The following FGF14 variants were observed in gnomAD, a reference collection of about 807,000 sequenced individuals.
The protein encoded by FGF14 is fibroblast growth factor homologous factor 4.
A neutral mutation model predicts 25.5 loss-of-function variants in FGF14; 5 were observed. The ratio of observed to expected loss-of-function variants is 0.20; its 90% confidence interval spans 0.10 to 0.41. FGF14 has a LOEUF of 0.41. Ranked by LOEUF, FGF14 falls within the 10% of genes least tolerant of loss-of-function variation. The pLI, the probability that FGF14 is intolerant of heterozygous loss-of-function variation, is 1.00. For missense variants in FGF14, 222 were observed against 320.1 expected (o/e 0.69, Z 2.34); for synonymous variants, 138 against 118.3 (o/e 1.17, Z -1.08).
At chr13:101,944,540 T>G (rs1380660527) in intron 1 of FGF14, among the ~76,000 whole-genome samples, 1 of 152,192 alleles carries the variant, frequency 6.6e-6, no homozygotes, top group African/African-American at 2.4e-5. Context: ...CAAATACGTA[T>G]TAAAGATTAA....
chr13:101,949,917 C>T (rs2036046247), intron 1 of FGF14, among the ~76,000 whole-genome samples: 1 of 152,112 alleles, frequency 6.6e-6, no homozygotes, highest in South Asian at 2.1e-4. Flanking sequence ...GCTATTGGAC[C>T]CAGTTGCTTT....
chr13:101,721,689 T>TGCTGCAG lies in FGF14; in HGVS notation c.*1135_*1141dup, dbSNP rs1442272093. ...AATTTATAACTAACGTTTGCATTGCTGCTGCAGGAAAGAACACAACAGCCG... is the reference window on the plus strand; with the variant it reads ...AATTTATAACTAACGTTTGCATTGCTGCTGCAGGCTGCAGGAAAGAACACAACAGCCG... On this transcript the variant is annotated 3_prime_UTR_variant, in exon 5 of 5. Coordinates refer to ENST00000376143, the MANE Select transcript of FGF14 (RefSeq NM_004115.4). The TGCTGCAG allele has an allele frequency of 1.3e-5, 2 of 152,256 alleles. No homozygotes were observed. Among genetic ancestry groups the TGCTGCAG allele is most frequent in the Admixed American group, 6.5e-5 (1 of 15,286 alleles). The allele number at this position is 152,256 out of a possible 1,614,324, so 9.4% of individuals were successfully genotyped here.
At chr13:101,867,160 G>A (rs987220143) in intron 3 of FGF14, among the ~76,000 whole-genome samples, 2 of 152,094 alleles carry the variant, frequency 1.3e-5, no homozygotes, top group African/African-American at 2.4e-5. Flanking sequence ...AAATGCAGGG[G>A]ACTGGACTTG....
chr13:101,780,978 C>T (rs929152448), intron 3 of FGF14, among the ~76,000 whole-genome samples: 5 of 152,076 alleles, frequency 3.3e-5, no homozygotes, highest in Admixed American at 6.6e-5. Flanking sequence ...CTATTTCGTG[C>T]GCGTGCCTCA....
intron 1 of FGF14, among the ~76,000 whole-genome samples, chr13:101,968,672 C>A (rs1270448356): frequency 1.3e-5 from 1 of 74,380 alleles, no homozygotes; most frequent in Non-Finnish European, 2.5e-5. Flanking sequence ...GACTCCGTCT[C>A]CAAAAAAAAA....
intron 1 of FGF14, among the ~76,000 whole-genome samples, chr13:101,944,020 A>C (rs1343581029): frequency 1.3e-5 from 2 of 150,686 alleles, no homozygotes; most frequent in African/African-American, 2.4e-5. Context: ...AAAAACAAAA[A>C]AAAAACATGG....
chr13:102,131,484 G>C (rs2046193652), intron 1 of FGF14, among the ~76,000 whole-genome samples: 1 of 152,022 alleles, frequency 6.6e-6, no homozygotes, highest in African/African-American at 2.4e-5. Context: ...CCCCTCCCCA[G>C]CCTGGTCTGC....
chr13:102,132,544 C>T (rs534359182), intron 1 of FGF14, among the ~76,000 whole-genome samples: 8 of 150,756 alleles, frequency 5.3e-5, no homozygotes, highest in African/African-American at 1.9e-4. Context: ...ACAGAGTGCC[C>T]AGGCCTGAGT....
chr13:102,158,495 GA>G (rs35268965), intron 1 of FGF14, among the ~76,000 whole-genome samples: 1 of 130,954 alleles, frequency 7.6e-6, no homozygotes, highest in Non-Finnish European at 1.6e-5. Context: ...ACAGGAAGGG[GA>G]ACATCACACA....
At chr13:102,187,651 C>T (rs544953316) in intron 1 of FGF14, among the ~76,000 whole-genome samples, 3 of 152,098 alleles carry the variant, frequency 2.0e-5, no homozygotes, top group Admixed American at 6.5e-5. Flanking sequence ...TTAAGTACCA[C>T]GCACATTTGA....
intron 3 of FGF14, among the ~76,000 whole-genome samples, chr13:101,775,637 G>C (rs543264666): frequency 1.3e-5 from 2 of 152,152 alleles, no homozygotes; most frequent in Non-Finnish European, 2.9e-5. Flanking sequence ...GTGCAGGTTA[G>C]TATAGCAGAG....
chr13:102,092,516 C>T (rs752070849), intron 1 of FGF14, among the ~76,000 whole-genome samples: 2 of 152,160 alleles, frequency 1.3e-5, no homozygotes, highest in Non-Finnish European at 2.9e-5. Flanking sequence ...ACTGAAAGGG[C>T]ATCTCCTCAT....
chr13:101,856,565 ATT>A (rs1390824522), intron 3 of FGF14, among the ~76,000 whole-genome samples: 1 of 151,956 alleles, frequency 6.6e-6, no homozygotes, highest in Non-Finnish European at 1.5e-5. Flanking sequence ...GAGTTGCATA[ATT>A]TTGTTACCAT....
chr13:101,860,432 G>T (rs1162442514), intron 3 of FGF14, among the ~76,000 whole-genome samples: 2 of 151,824 alleles, frequency 1.3e-5, no homozygotes, highest in Admixed American at 1.3e-4. Flanking sequence ...CCTGAACTAG[G>T]AATTTATAAA....
chr13:101,943,034 T>C (rs1465631798), intron 1 of FGF14, among the ~76,000 whole-genome samples: 1 of 152,204 alleles, frequency 6.6e-6, no homozygotes, highest in Non-Finnish European at 1.5e-5. Context: ...CAGCTTCCCA[T>C]AGCCATGGTG....
intron 3 of FGF14, among the ~76,000 whole-genome samples, chr13:101,793,449 T>G (rs1398823082): frequency 6.6e-6 from 1 of 152,158 alleles, no homozygotes; most frequent in Non-Finnish European, 1.5e-5. Context: ...TGTATATGTA[T>G]GTATCACATT....
intron 3 of FGF14, among the ~76,000 whole-genome samples, chr13:101,838,121 A>G (rs570071832): frequency 8.6e-5 from 13 of 151,972 alleles, no homozygotes; most frequent in Non-Finnish European, 1.9e-4. Context: ...CCTTGTGATC[A>G]TATGAGTCAA....
chr13:102,183,930 C>T (rs1324228698), intron 1 of FGF14, among the ~76,000 whole-genome samples: 4 of 152,194 alleles, frequency 2.6e-5, no homozygotes, highest in Admixed American at 2.6e-4. Flanking sequence ...CACACAGATG[C>T]TCACCCAGTT....
chr13:102,030,115 A>G (rs2041137379), intron 1 of FGF14, among the ~76,000 whole-genome samples: 1 of 152,138 alleles, frequency 6.6e-6, no homozygotes, highest in African/African-American at 2.4e-5. Context: ...CATTTATAAT[A>G]CCATTATTTA....
Sources: allele counts gnomAD v4.1 joint callset (sites outside exome capture counted in the v4.1 genomes callset), GRCh38; gene constraint gnomAD v4.1.1; transcripts MANE v1.5; gene names NCBI Gene and HGNC (gene_info 2026-07-23, HGNC 2026-07-21).